Variants in CACNA1C observed in about 807,000 individuals in gnomAD.
CACNA1C encodes the protein calcium voltage-gated channel subunit alpha1 C.
A neutral mutation model predicts 229.0 loss-of-function variants in CACNA1C; 30 were observed. The observed-to-expected ratio is 0.13, with a 90% confidence interval of 0.10 to 0.18. The LOEUF (loss-of-function observed/expected upper bound fraction) is 0.18, where lower values mean the gene tolerates loss of function less well. Ranked by LOEUF, CACNA1C falls within the 10% of genes least tolerant of loss-of-function variation. The probability of loss-of-function intolerance (pLI) is 1.00; values close to 1 mark genes in which losing one functional copy is unlikely to be tolerated. For missense variants in CACNA1C, 1,658 were observed against 2,845.0 expected (o/e 0.58, Z 9.49); for synonymous variants, 1,114 against 1,132.5 (o/e 0.98, Z 0.33).
In CACNA1C at chr12:2,135,850, C is replaced by T. The variant is rs534512580; in HGVS notation, c.477+15420C>T. ...TAGGCTCCACCCAGTTCGAGCTTCC[C>T]GGCTGCTTTGTTTACCTAATCAAGC... On this transcript the variant is annotated intron_variant, in intron 3 of 46. Transcript: ENST00000399655. 5.8e-4 allele frequency among the ~76,000 whole-genome samples: 86 copies of T among 147,482 alleles called. 3 individuals are homozygous for T. In the East Asian group the frequency reaches 8.2e-3, roughly 14 times the overall value.
chr12:2,057,104 C>T (rs537294542), intron 1 of CACNA1C, among the ~76,000 whole-genome samples: 71 of 152,278 alleles, frequency 4.7e-4, no homozygotes, highest in Admixed American at 1.0e-3. Context: ...AGCCGTTAGC[C>T]CCGTGGGACC....
At chr12:2,191,813 C>T (rs892800324) in intron 3 of CACNA1C, among the ~76,000 whole-genome samples, 2 of 150,968 alleles carry the variant, frequency 1.3e-5, no homozygotes, top group African/African-American at 2.5e-5. Context: ...CACAGGCACA[C>T]GTATGCACAC....
intron 3 of CACNA1C, among the ~76,000 whole-genome samples, chr12:2,363,076 G>A (rs1323577885): frequency 6.6e-6 from 1 of 152,172 alleles, no homozygotes. Context: ...TCAGGAGTGA[G>A]CTCTTGCACT....
chr12:2,474,268 C>T (rs1265773374), intron 5 of CACNA1C, among the ~76,000 whole-genome samples: 1 of 152,172 alleles, frequency 6.6e-6, no homozygotes, highest in Non-Finnish European at 1.5e-5. Context: ...AAGTATGTTG[C>T]TCAGCAAACA....
intron 4 of CACNA1C, among the ~76,000 whole-genome samples, chr12:2,455,889 C>CT (rs563544987): frequency 4.3e-4 from 65 of 151,170 alleles, no homozygotes; most frequent in Middle Eastern, 6.8e-3. Context: ...TGTGGGAGCA[C>CT]TGCAGGGTTG....
intron 30 of CACNA1C, among the ~76,000 whole-genome samples, chr12:2,635,403 C>G (rs1453593338): frequency 6.6e-6 from 1 of 152,132 alleles, no homozygotes; most frequent in Non-Finnish European, 1.5e-5. Flanking sequence ...ATTATTTTTC[C>G]TTAATTAAGA....
At chr12:2,297,352 G>C (rs969271009) in intron 3 of CACNA1C, among the ~76,000 whole-genome samples, 7 of 152,246 alleles carry the variant, frequency 4.6e-5, no homozygotes, top group Non-Finnish European at 8.8e-5. Flanking sequence ...TGCAACAGGA[G>C]AAGACTGAAA....
chr12:2,099,043 C>T (rs2075364516), intron 1 of CACNA1C, among the ~76,000 whole-genome samples: 1 of 152,200 alleles, frequency 6.6e-6, no homozygotes, highest in South Asian at 2.1e-4. Flanking sequence ...AGCCCTCCCT[C>T]CCTGGAACCT....
intron 3 of CACNA1C, among the ~76,000 whole-genome samples, chr12:2,268,811 G>A (rs1233188985): frequency 6.6e-6 from 1 of 152,226 alleles, no homozygotes; most frequent in Admixed American, 6.5e-5. Flanking sequence ...AGAGGCAAGG[G>A]ATAGAACGAG....
intron 4 of CACNA1C, 69 bp from the exon 5 acceptor site, chr12:2,457,498 A>G (rs56229649): frequency 3.3e-6 from 5 of 1,525,942 alleles, no homozygotes; most frequent in Non-Finnish European, 4.4e-6. Flanking sequence ...CTGTATCCAG[A>G]GGTCAGAGCC....
chr12:2,024,347 T>A (rs2046957185), intron 1 of CACNA1C, among the ~76,000 whole-genome samples: 1 of 152,206 alleles, frequency 6.6e-6, no homozygotes, highest in African/African-American at 2.4e-5. Context: ...AACACAGAGC[T>A]AGCTGCTATA....
intron 13 of CACNA1C, among the ~76,000 whole-genome samples, chr12:2,570,721 C>A (rs1321271891): frequency 6.6e-6 from 1 of 152,116 alleles, no homozygotes; most frequent in Non-Finnish European, 1.5e-5. Context: ...AAAGGAAAAT[C>A]TATGACAGAA....
chr12:1,990,950 G>C (rs903405127), intron 1 of CACNA1C, among the ~76,000 whole-genome samples: 15 of 151,246 alleles, frequency 9.9e-5, no homozygotes, highest in African/African-American at 3.7e-4. Context: ...AAATGACTCT[G>C]GGTGCAAAGG....
At chr12:2,388,959 G>C (rs775828907) in intron 3 of CACNA1C, among the ~76,000 whole-genome samples, 11 of 152,176 alleles carry the variant, frequency 7.2e-5, no homozygotes, top group Non-Finnish European at 1.5e-4. Context: ...TGTAGATTGG[G>C]GTCATCAGTG....
rs541916785 is a variant in CACNA1C at position 2,621,578 on chromosome 12, T to C, written c.3828+9565T>C. Among the ~76,000 whole-genome samples the C allele has an allele frequency of 3.3e-5, 5 of 152,260 alleles. No homozygotes were observed. The South Asian group carries it at 1.0e-3, about 32-fold the overall frequency. On this transcript the variant is annotated intron_variant, in intron 29 of 46. Coordinates refer to ENST00000399655, the MANE Select transcript of CACNA1C (RefSeq NM_000719.7). ...GATTTTCATTTTTTAACCAGCATGC[T>C]GGCTGCTCATTGACAAATGACTGGT...
chr12:2,094,427 GAA>G (rs2072884154), intron 1 of CACNA1C, among the ~76,000 whole-genome samples: 1 of 152,164 alleles, frequency 6.6e-6, no homozygotes, highest in Non-Finnish European at 1.5e-5. Context: ...ATTAAGGGAG[GAA>G]ATTCAGGGGT....
chr12:2,031,406 C>T (rs577050625), intron 1 of CACNA1C, among the ~76,000 whole-genome samples: 51 of 152,320 alleles, frequency 3.3e-4, no homozygotes, highest in East Asian at 1.5e-3. Context: ...AGTGGCAGCA[C>T]GGTGAATGGG....
intron 15 of CACNA1C, among the ~76,000 whole-genome samples, chr12:2,583,685 A>AGTGTCTGTAAAAT (rs1331210478): frequency 6.6e-6 from 1 of 152,210 alleles, no homozygotes; most frequent in Non-Finnish European, 1.5e-5. Flanking sequence ...CCTCTACCTC[A>AGTGTCTGTAAAAT]GTGTCTGTAA....
intron 1 of CACNA1C, among the ~76,000 whole-genome samples, chr12:1,999,186 A>G (rs1223960943): frequency 6.6e-6 from 1 of 152,208 alleles, no homozygotes; most frequent in Non-Finnish European, 1.5e-5. Flanking sequence ...TCTGGGTTTT[A>G]TTAAACTGTC....
Sources: gnomAD v4.1 joint callset for allele counts (sites outside exome capture counted in the v4.1 genomes callset) on GRCh38, gnomAD v4.1.1 for gene constraint, MANE v1.5 for transcripts, NCBI Gene and HGNC (gene_info 2026-07-23, HGNC 2026-07-21) for gene names.